COL6A2: variants seen among roughly 807,000 people sequenced by gnomAD.
COL6A2 encodes collagen type VI alpha 2 chain.
Under a neutral mutation model 124.9 loss-of-function variants are expected in COL6A2, and 90 were observed. The ratio of observed to expected loss-of-function variants is 0.72; its 90% confidence interval spans 0.61 to 0.86. COL6A2 has a LOEUF of 0.86. Ranked by LOEUF, COL6A2 falls within the 40% of genes least tolerant of loss-of-function variation. The pLI is 0.00. For synonymous variants in COL6A2, 793 were observed against 618.2 expected (o/e 1.28, Z -4.19); for missense variants, 1,607 against 1,502.5 (o/e 1.07, Z -1.15).
intron 25 of COL6A2, 34 bp downstream of exon 25, chr21:46,125,651 G>A (rs1410165916): frequency 6.3e-7 from 1 of 1,597,000 alleles, no homozygotes; most frequent in Non-Finnish European, 8.5e-7. Flanking sequence ...AGCATTGCGG[G>A]GGGCCGGGCG....
rs2078482587 is a variant in COL6A2 at position 46,116,972 on chromosome 21, C to T, written c.999+158C>T. 6.6e-6 allele frequency among the ~76,000 whole-genome samples: 1 copy of T among 151,088 alleles called. No homozygotes were observed. The highest frequency in any genetic ancestry group is 1.5e-5 in the Non-Finnish European group (1 of 67,752). ...ACACACACACGAACTTCAGCTCCTG[C>T]CACATCCCACTGCCCCACCCAGGGC... On this transcript the variant is annotated intron_variant, in intron 10 of 27. Transcript: ENST00000300527. This position sits in a 1 kb window ranked among gnomAD's most constrained non-coding sequence, Gnocchi z 4.6.
chr21:46,130,982 C>G (rs1203305479), intron 27 of COL6A2, among the ~76,000 whole-genome samples: 1 of 152,240 alleles, frequency 6.6e-6, no homozygotes, highest in Non-Finnish European at 1.5e-5. Flanking sequence ...TTGCTCACTG[C>G]CTGCGGGGCT....
In COL6A2 at chr21:46,121,090, C is replaced by A. The variant is rs745867374; in HGVS notation, c.1425C>A (p.Gly475=). 3.1e-6 allele frequency: 5 copies of A among 1,612,640 alleles called. No homozygotes were observed. Among genetic ancestry groups the A allele is most frequent in the Non-Finnish European group, 4.2e-6 (5 of 1,179,940 alleles). ...ACCGAGGCTTGCCTGGACCCAGAGG[C>A]CCCCAGGGAGCTCTTGGGGAGCCCG... ...KGDRGLPGPR[G]PQGALGEPGK... Residue 475 remains glycine, a synonymous_variant, in exon 17 of 28, where the codon GGC becomes GGA. Coordinates refer to ENST00000300527, the MANE Select transcript of COL6A2 (RefSeq NM_001849.4).
chr21:46,123,311 C>A (rs1247678121), intron 21 of COL6A2, among the ~76,000 whole-genome samples: 1 of 150,990 alleles, frequency 6.6e-6, no homozygotes, highest in Non-Finnish European at 1.5e-5. Context: ...TCCCCTCCCC[C>A]AAAAGATGCC....
At chr21:46,113,821 TGA>T (rs2078436029) in intron 4 of COL6A2, 185 bp from the exon 5 acceptor site, 2 of 669,804 alleles carry the variant, frequency 3.0e-6, no homozygotes, top group South Asian at 3.2e-5. Context: ...GGCTTGTCCC[TGA>T]TGGGGGCAGA....
At position 46,126,158 on chromosome 21, in the gene COL6A2, G is replaced by C; in HGVS notation, c.2343G>C (p.Gln781His). 6.2e-7 allele frequency: 1 copy of C among 1,610,022 alleles called. No homozygotes were observed. Among genetic ancestry groups the C allele is most frequent in the East Asian group, 2.2e-5 (1 of 44,866 alleles). ...ACTCCATCGCCTGCGACAAGCCACA[G>C]CAGGTGCGCAACATGACGCTGTTCT... ...NLYSIACDKPQQVRNMTLFSD... is the reference protein window; with the variant it reads ...NLYSIACDKPHQVRNMTLFSD... Residue 781 changes from glutamine to histidine, a missense_variant, in exon 26 of 28, where the codon CAG (glutamine) becomes CAC (histidine). Physicochemically the swap from Gln to His is conservative, Grantham distance 24. Around this residue, in one of 3 missense-constraint regions of COL6A2, gnomAD observed 1,223 missense variants for 1,052.2 expected, o/e 1.16. Coordinates refer to ENST00000300527, the MANE Select transcript of COL6A2 (RefSeq NM_001849.4).
At chr21:46,125,648 CG>C in intron 25 of COL6A2, 31 bp downstream of exon 25, 8 of 571,760 alleles carry the variant, frequency 1.4e-5, no homozygotes, top group Non-Finnish European at 1.6e-5. Flanking sequence ...TGCAGCATTG[CG>C]GGGGGCCGGG....
At chr21:46,127,738 C>T (rs1055318690) in intron 27 of COL6A2, among the ~76,000 whole-genome samples, 1 of 152,056 alleles carries the variant, frequency 6.6e-6, no homozygotes, top group Non-Finnish European at 1.5e-5. Flanking sequence ...GGGGGCCTTC[C>T]TCTCCACTCT....
intron 21 of COL6A2, among the ~76,000 whole-genome samples, chr21:46,123,776 GTGAGTGGGTGTATGTA>G (rs2078607513): frequency 2.0e-5 from 3 of 148,646 alleles, no homozygotes; most frequent in Admixed American, 2.0e-4. Context: ...GGATGGATGG[GTGAGTGGGTGTATGTA>G]TGGATGGGTT....
At position 46,131,980 on chromosome 21, in the gene COL6A2, C is replaced by T. The variant is rs373072443; in HGVS notation, c.2488C>T (p.Arg830Trp). Reference protein sequence around the residue: ...TELSVAQCTQRPVDIVFLLDG... With the variant: ...TELSVAQCTQWPVDIVFLLDG... ...GCTGTCCGTGGCACAGTGCACGCAG[C>T]GGCCCGTGGACATCGTCTTCCTGCT... The change falls in exon 28 of 28, where the codon CGG becomes TGG. Residue 830 changes from arginine to tryptophan, a missense_variant. Around this residue, in one of 3 missense-constraint regions of COL6A2, gnomAD observed 1,223 missense variants for 1,052.2 expected, o/e 1.16. Transcript: ENST00000300527. 3.7e-5 allele frequency: 60 copies of T among 1,608,588 alleles called. No individual in the cohort carries two copies. Among genetic ancestry groups the T allele is most frequent in the East Asian group, 1.8e-4 (8 of 44,744 alleles).
At chr21:46,098,484 C>T (rs1348556117) in intron 1 of COL6A2, among the ~76,000 whole-genome samples, 3 of 151,688 alleles carry the variant, frequency 2.0e-5, no homozygotes, top group Non-Finnish European at 4.4e-5. Flanking sequence ...CGCCCGAGCT[C>T]GGTGCTGGGA....
intron 27 of COL6A2, among the ~76,000 whole-genome samples, chr21:46,128,074 G>A (rs372586920): frequency 6.6e-6 from 1 of 152,184 alleles, no homozygotes; most frequent in East Asian, 1.9e-4. Context: ...TGGCCTCAGG[G>A]TGACGTGGGC....
At chr21:46,118,258 C>T (rs1306009966) in intron 12 of COL6A2, among the ~76,000 whole-genome samples, 1 of 152,138 alleles carries the variant, frequency 6.6e-6, no homozygotes, top group South Asian at 2.1e-4. Context: ...CTCTGCCCTC[C>T]TGGGCCGCCT....
chr21:46,112,907 G>C, intron 4 of COL6A2, 83 bp downstream of exon 4: 1 of 1,573,822 alleles, frequency 6.4e-7, no homozygotes, highest in Non-Finnish European at 8.7e-7. Flanking sequence ...GACTCCTGGC[G>C]CCTCCAGGCT....
chr21:46,098,328 GCTC>G (rs1555867170), intron 1 of COL6A2, among the ~76,000 whole-genome samples, 155 bp downstream of exon 1: 2 of 151,858 alleles, frequency 1.3e-5, no homozygotes, highest in Non-Finnish European at 2.9e-5. Context: ...CGGGTTCGGG[GCTC>G]CTCCTCGCGG....
At chr21:46,111,942 C>A (rs1246589059) in intron 2 of COL6A2, 37 bp from the exon 3 acceptor site, 1 of 1,598,358 alleles carries the variant, frequency 6.3e-7, no homozygotes. Context: ...AGCAGTCCCT[C>A]CTGAGGCTGG....
At chr21:46,130,479 C>A (rs1335892314) in intron 27 of COL6A2, among the ~76,000 whole-genome samples, 1 of 152,152 alleles carries the variant, frequency 6.6e-6, no homozygotes, top group African/African-American at 2.4e-5. Flanking sequence ...GGTTCTCGTC[C>A]CCACACCCAC....
rs2078684386 is a variant in COL6A2, at chr21:46,127,185, CCT to C, written c.2461+646_2461+647del. Among the ~76,000 whole-genome samples the C allele has an allele frequency of 4.6e-5, 7 of 152,272 alleles. No individual in the cohort carries two copies. In the South Asian group the frequency reaches 1.5e-3, roughly 32 times the overall value. On this transcript the variant is annotated intron_variant, in intron 27 of 27. Coordinates refer to ENST00000300527, the MANE Select transcript of COL6A2 (RefSeq NM_001849.4). ...CCGGGGGCGTTAGGAGCTGAGTCCC[CCT>C]CAGTGAGCCGTCCCCTCCAGGAGTG...
chr21:46,119,930 C>T (rs1317493934), intron 15 of COL6A2, 80 bp downstream of exon 15: 8 of 1,284,676 alleles, frequency 6.2e-6, no homozygotes, highest in Non-Finnish European at 8.8e-6. Flanking sequence ...AACCCCATTC[C>T]TCCCAGAGAA....
Sources: gnomAD v4.1 joint callset for allele counts (sites outside exome capture counted in the v4.1 genomes callset) on GRCh38, gnomAD v4.1.1 for gene constraint, gnomAD v4.1.1 regional missense constraint, Gnocchi (gnomAD v3.1) non-coding constraint, MANE v1.5 for transcripts, NCBI Gene and HGNC (gene_info 2026-07-23, HGNC 2026-07-21) for gene names.